Variants in MLXIP observed in about 807,000 individuals in gnomAD.
The protein encoded by MLXIP is MLX-interacting protein.
In MLXIP, 30 loss-of-function variants were observed where a neutral mutation model predicts 87.2. The ratio of observed to expected loss-of-function variants is 0.34; its 90% CI spans 0.26 to 0.47. The LOEUF (loss-of-function observed/expected upper bound fraction) is 0.47, where lower values mean the gene tolerates loss of function less well. Among genes scored for constraint, MLXIP ranks in the 20% least tolerant of loss-of-function variants. The pLI, the probability that MLXIP is intolerant of heterozygous loss-of-function variation, is 1.00. For synonymous variants in MLXIP, 530 were observed against 514.0 expected (o/e 1.03, Z -0.42); for missense variants, 1,002 against 1,240.1 (o/e 0.81, Z 2.88).
Position 122,135,430 on chromosome 12 carries a change from G to C in MLXIP, c.1855-59G>C. On this transcript the variant is annotated intron_variant, in intron 10 of 16. Coordinates refer to ENST00000319080, the MANE Select transcript of MLXIP (RefSeq NM_014938.6). The surrounding 1 kb of genome is among the most constrained non-coding windows in gnomAD (Gnocchi z 5.3). The stretch of plus-strand genomic sequence containing the variant: ...GGGCGGCCCTCACCTGAGACGACTG[G>C]TGTGCCGCCCTGCTGTATATCAGCA... 1.2e-6 allele frequency: 2 copies of C among 1,604,850 alleles called. No homozygotes were observed. The highest frequency in any genetic ancestry group is 8.5e-7 in the Non-Finnish European group (1 of 1,175,502).
chr12:122,134,179 C>T (rs1953038909), intron 9 of MLXIP, 192 bp downstream of exon 9: 6 of 698,826 alleles, frequency 8.6e-6, no homozygotes, highest in Non-Finnish European at 1.3e-5. Context: ...GTTTTCTATG[C>T]TCTATCTTTT....
chr12:122,080,295 G>T (rs1304795242), intron 1 of MLXIP, among the ~76,000 whole-genome samples: 1 of 152,174 alleles, frequency 6.6e-6, no homozygotes, highest in African/African-American at 2.4e-5. Context: ...AACTGGACTA[G>T]CGGGGGCTGT....
At chr12:122,093,022 ATATG>A (rs1483896634) in intron 1 of MLXIP, among the ~76,000 whole-genome samples, 3 of 129,430 alleles carry the variant, frequency 2.3e-5, no homozygotes, top group African/African-American at 5.9e-5. Context: ...TGGTCTGTGT[ATATG>A]TATGTGTGGT....
intron 1 of MLXIP, among the ~76,000 whole-genome samples, chr12:122,104,553 G>GGCTTTACCA (rs1242496352): frequency 6.7e-6 from 1 of 148,708 alleles, no homozygotes; most frequent in Non-Finnish European, 1.5e-5. Flanking sequence ...TCTTGTTTTT[G>GGCTTTACCA]GCTTTACCAT....
At chr12:122,088,130 C>G (rs141021224) in intron 1 of MLXIP, among the ~76,000 whole-genome samples, 3 of 152,126 alleles carry the variant, frequency 2.0e-5, no homozygotes, top group African/African-American at 7.2e-5. Context: ...ACATCACAGC[C>G]GCCTACTTTG....
chr12:122,106,821 C>CA (rs1345802184), intron 1 of MLXIP, among the ~76,000 whole-genome samples: 1 of 151,968 alleles, frequency 6.6e-6, no homozygotes, highest in African/African-American at 2.4e-5. Context: ...AGGCTGGTCT[C>CA]AAACTCCTGA....
At chr12:122,122,854 C>A (rs1593098508) in intron 1 of MLXIP, among the ~76,000 whole-genome samples, 1 of 127,838 alleles carries the variant, frequency 7.8e-6, no homozygotes, top group South Asian at 2.7e-4. Flanking sequence ...GCCTTCTTTT[C>A]TTTTTCTTTT....
At chr12:122,093,734 T>TG (rs2135910714) in intron 1 of MLXIP, among the ~76,000 whole-genome samples, 1 of 131,328 alleles carries the variant, frequency 7.6e-6, no homozygotes, top group Admixed American at 7.8e-5. Context: ...TTGCGGTGCC[T>TG]GTGTGGTGTG....
chr12:122,093,317 G>A (rs969177734), intron 1 of MLXIP, among the ~76,000 whole-genome samples: 38,812 of 145,890 alleles, frequency 0.27, 5,796 homozygotes, highest in Admixed American at 0.35. Flanking sequence ...GTGTGGGTGC[G>A]TGGAATGTGT....
At chr12:122,091,576 ATCT>A (rs1565958571) in intron 1 of MLXIP, among the ~76,000 whole-genome samples, 1 of 152,226 alleles carries the variant, frequency 6.6e-6, no homozygotes, top group African/African-American at 2.4e-5. Flanking sequence ...TTCTTCTTTT[ATCT>A]GGGTCAAGGG....
intron 15 of MLXIP, among the ~76,000 whole-genome samples, chr12:122,140,073 T>C (rs1953170188): frequency 6.6e-6 from 1 of 152,194 alleles, no homozygotes; most frequent in African/African-American, 2.4e-5. Flanking sequence ...CTGTCATTAA[T>C]AGAGCTGGGT....
At chr12:122,104,583 T>C (rs918810510) in intron 1 of MLXIP, among the ~76,000 whole-genome samples, 4 of 142,626 alleles carry the variant, frequency 2.8e-5, no homozygotes, top group African/African-American at 1.0e-4. Flanking sequence ...TTCTTTTTTT[T>C]TTTTTTTTTT....
intron 6 of MLXIP, 127 bp downstream of exon 6, chr12:122,130,239 T>A: frequency 2.0e-6 from 2 of 987,498 alleles, no homozygotes; most frequent in Non-Finnish European, 2.9e-6. Flanking sequence ...GGGCAGGCAG[T>A]AAGGAAGGGA....
Position 122,142,133 on chromosome 12 carries a change from C to G in MLXIP, c.*321C>G. The G allele has an allele frequency of 1.4e-6, 1 of 701,010 alleles. No homozygotes were observed. The highest frequency in any genetic ancestry group is 2.6e-6 in the Non-Finnish European group (1 of 384,656). 43.4% of individuals were successfully genotyped at this position (701,010 alleles called of 1,614,324 possible). A position where few individuals can be genotyped will look rare whatever the true frequency, so the allele number is the denominator to read the frequency against. ...TGGTCCTGCCCTGCTGGTGGCCTGC[C>G]GGGCCTGGCGCCGGTGAGCGGAATC... On this transcript the variant is annotated 3_prime_UTR_variant, in exon 17 of 17. Transcript: ENST00000319080.
At chr12:122,103,199 GTATT>G (rs754355713) in intron 1 of MLXIP, among the ~76,000 whole-genome samples, 10,279 of 93,256 alleles carry the variant, frequency 0.11, 551 homozygotes, top group African/African-American at 0.2. Flanking sequence ...ATGTATGTAT[GTATT>G]TATTTATTTA....
At chr12:122,105,746 G>T (rs1182097301) in intron 1 of MLXIP, among the ~76,000 whole-genome samples, 1 of 151,338 alleles carries the variant, frequency 6.6e-6, no homozygotes, top group Admixed American at 6.6e-5. Flanking sequence ...TGCCACTGCA[G>T]TCCGGCCTGG....
At chr12:122,115,023 AATCGTG>A (rs994253177) in intron 1 of MLXIP, among the ~76,000 whole-genome samples, 2 of 151,808 alleles carry the variant, frequency 1.3e-5, no homozygotes, top group African/African-American at 4.8e-5. Flanking sequence ...CTGGGATTAC[AATCGTG>A]AGCCACCGCA....
chr12:122,106,280 C>T (rs963844201), intron 1 of MLXIP, among the ~76,000 whole-genome samples: 1 of 152,224 alleles, frequency 6.6e-6, no homozygotes, highest in African/African-American at 2.4e-5. Context: ...CCTGCCCGTC[C>T]TTGGAGACTC....
chr12:122,115,024 A>G (rs1488328518), intron 1 of MLXIP, among the ~76,000 whole-genome samples: 2 of 151,334 alleles, frequency 1.3e-5, no homozygotes, highest in Admixed American at 6.6e-5. Context: ...TGGGATTACA[A>G]TCGTGAGCCA....
Sources: allele counts gnomAD v4.1 joint callset (sites outside exome capture counted in the v4.1 genomes callset), GRCh38; gene constraint gnomAD v4.1.1; non-coding constraint Gnocchi (gnomAD v3.1); transcripts MANE v1.5; gene names NCBI Gene and HGNC (gene_info 2026-07-23, HGNC 2026-07-21).